Variants in SP3 observed in about 807,000 individuals in gnomAD.
The protein encoded by SP3 is Sp3 transcription factor.
SP3 carries 10 observed loss-of-function variants against 70.3 expected under a neutral mutation model. The ratio of observed to expected loss-of-function variants is 0.14; its 90% CI spans 0.09 to 0.24. The LOEUF (loss-of-function observed/expected upper bound fraction) is 0.24. SP3 is among the 10% of genes least tolerant of loss of function. SP3 has a pLI of 1.00. For synonymous variants in SP3, 402 were observed against 333.5 expected, an observed-to-expected ratio of 1.21 and a Z score of -2.24; for missense variants, 825 against 914.6, an observed-to-expected ratio of 0.90 and a Z score of 1.26.
At chr2:173,926,406 A>G (rs1018513446) in intron 4 of SP3, among the ~76,000 whole-genome samples, 5 of 152,090 alleles carry the variant, frequency 3.3e-5, no homozygotes, top group African/African-American at 4.8e-5. Flanking sequence ...TCCAGGTTCT[A>G]TGTATGTATT....
intron 4 of SP3, among the ~76,000 whole-genome samples, chr2:173,938,808 G>A (rs561201273): frequency 1.3e-5 from 2 of 152,264 alleles, no homozygotes; most frequent in East Asian, 1.9e-4. Context: ...AGTGCTGTGG[G>A]GTTCAATGTT....
chr2:173,942,909 CTA>C (rs963522908), intron 4 of SP3, among the ~76,000 whole-genome samples: 9 of 151,922 alleles, frequency 5.9e-5, no homozygotes, highest in African/African-American at 1.2e-4. Context: ...TACAGTACAA[CTA>C]TATATATAGC....
At chr2:173,936,319 C>T (rs977477253) in intron 4 of SP3, among the ~76,000 whole-genome samples, 2 of 152,090 alleles carry the variant, frequency 1.3e-5, no homozygotes, top group Admixed American at 6.6e-5. Context: ...ATGCCTGGCC[C>T]CGCTCCTACC....
rs1689386550 is a variant in SP3, at chr2:173,908,421, T to G, written c.*1520A>C. 6.6e-6 allele frequency: 1 copy of G among 152,332 alleles called. No individual in the cohort carries two copies. The highest frequency in any genetic ancestry group is 1.5e-5 in the Non-Finnish European group (1 of 67,882). 9.4% of individuals were successfully genotyped at this position (152,332 alleles called of 1,614,324 possible). A position where few individuals can be genotyped will look rare whatever the true frequency, so the allele number is the denominator to read the frequency against. Reference sequence around the variant, plus strand: ...AAATAAATGCCTGTTTACAATTCAGTGTCTAAAATCAAGAATCTAAAAATA... The same window carrying G: ...AAATAAATGCCTGTTTACAATTCAGGGTCTAAAATCAAGAATCTAAAAATA... On this transcript the variant is annotated 3_prime_UTR_variant, in exon 7 of 7. Transcript: ENST00000310015.
chr2:173,953,846 A>T (rs962976877), intron 4 of SP3, among the ~76,000 whole-genome samples: 2 of 152,180 alleles, frequency 1.3e-5, no homozygotes, highest in Non-Finnish European at 2.9e-5. Flanking sequence ...ACCCCTAAAA[A>T]AAAATAATCA....
chr2:173,942,515 A>C lies in SP3; in HGVS notation c.1639+12358T>G, dbSNP rs113185278. On this transcript the variant is annotated intron_variant, in intron 4 of 6. Coordinates refer to ENST00000310015, the MANE Select transcript of SP3 (RefSeq NM_003111.5). ...CAGGAGGTGGAAGTTACAGTCAGCC[A>C]AGATCATGCCACTGCACTCCAGTCT... 4.7e-3 allele frequency among the ~76,000 whole-genome samples: 717 copies of C among 152,284 alleles called. 4 individuals are homozygous for C. The highest frequency in any genetic ancestry group is 0.014 in the Middle Eastern group (4 of 294).
intron 4 of SP3, among the ~76,000 whole-genome samples, chr2:173,939,015 C>G (rs1050046907): frequency 6.6e-6 from 1 of 152,134 alleles, no homozygotes; most frequent in Non-Finnish European, 1.5e-5. Context: ...CCTCAACATC[C>G]TACAATGCAG....
intron 1 of SP3, 43 bp downstream of exon 1, chr2:173,965,122 C>T (rs543781799): frequency 2.6e-6 from 4 of 1,547,022 alleles, no homozygotes; most frequent in Middle Eastern, 2.2e-4. Flanking sequence ...GCGGCAGCGG[C>T]GGCGGCGGCA....
chr2:173,932,857 C>T (rs1202324732), intron 4 of SP3, among the ~76,000 whole-genome samples: 1 of 151,880 alleles, frequency 6.6e-6, no homozygotes, highest in Admixed American at 6.6e-5. Context: ...CCAGGCTTGG[C>T]GGTGGGGTCC....
At chr2:173,962,058 T>A (rs890456660) in intron 3 of SP3, among the ~76,000 whole-genome samples, 1 of 151,936 alleles carries the variant, frequency 6.6e-6, no homozygotes, top group Non-Finnish European at 1.5e-5. Flanking sequence ...CGTCTTCATG[T>A]GGCAGAATAT....
intron 4 of SP3, among the ~76,000 whole-genome samples, chr2:173,927,796 C>G (rs1689959307): frequency 6.6e-6 from 1 of 152,132 alleles, no homozygotes; most frequent in Non-Finnish European, 1.5e-5. Flanking sequence ...ACCTTCAGGG[C>G]ATCAGTTATT....
intron 4 of SP3, among the ~76,000 whole-genome samples, chr2:173,951,659 T>G (rs1056168094): frequency 6.6e-6 from 1 of 152,192 alleles, no homozygotes; most frequent in African/African-American, 2.4e-5. Context: ...AAGAATAACT[T>G]AATATCCTTT....
At chr2:173,913,390 GAAACCA>G (rs1689542203) in intron 5 of SP3, 124 bp from the exon 6 acceptor site, 1 of 688,484 alleles carries the variant, frequency 1.5e-6, no homozygotes, top group South Asian at 5.7e-5. Flanking sequence ...AAGTCAATCA[GAAACCA>G]AAACCATTTA....
At chr2:173,930,168 C>A (rs1690031035) in intron 4 of SP3, among the ~76,000 whole-genome samples, 1 of 152,172 alleles carries the variant, frequency 6.6e-6, no homozygotes, top group South Asian at 2.1e-4. Context: ...TCCTTTCAGA[C>A]ATTTTAACAA....
rs989737568 is a variant in SP3 at position 173,903,031 on chromosome 2, T to TA, written c.*6909dup. 4.6e-5 allele frequency among the ~76,000 whole-genome samples: 7 copies of TA among 152,200 alleles called. No individual in the cohort carries two copies. Among genetic ancestry groups the TA allele is most frequent in the African/African-American group, 9.6e-5 (4 of 41,462 alleles). The stretch of plus-strand genomic sequence containing the variant: ...TCTGTATTCTTGAAATGTTTCATAA[T>TA]AAAAAAGGCACAATACGAATACTAG... On this transcript the variant is annotated 3_prime_UTR_variant, in exon 7 of 7. Transcript: ENST00000310015.
chr2:173,934,689 C>A (rs1346041819), intron 4 of SP3, among the ~76,000 whole-genome samples: 1 of 151,986 alleles, frequency 6.6e-6, no homozygotes, highest in Non-Finnish European at 1.5e-5. Flanking sequence ...ACAGCAAGAC[C>A]CCATCACTAT....
intron 4 of SP3, among the ~76,000 whole-genome samples, chr2:173,953,970 A>G (rs1690799633): frequency 1.3e-5 from 2 of 152,186 alleles, no homozygotes; most frequent in South Asian, 4.1e-4. Context: ...AAAAAAGGTA[A>G]TCTTTAAATG....
Position 173,901,230 on chromosome 2 carries a change from C to G in SP3, c.*8711G>C, listed in dbSNP as rs116138730. On this transcript the variant is annotated 3_prime_UTR_variant, in exon 7 of 7. Coordinates refer to ENST00000310015, the MANE Select transcript of SP3 (RefSeq NM_003111.5). ...AAGGCAAAATCATAAAATTTTTAGA[C>G]AAAAATTTTTATGACAGTAGGTAAA... 0.038 allele frequency among the ~76,000 whole-genome samples: 5,767 copies of G among 150,840 alleles called. 155 individuals are homozygous for G. The highest frequency in any genetic ancestry group is 0.1 in the Admixed American group (1,577 of 15,110).
At position 173,956,041 on chromosome 2, in the gene SP3, T is replaced by C. The variant is rs765896968; in HGVS notation, c.471A>G (p.Gly157=). 2 of 1,614,142 alleles carry C rather than the reference T, an allele frequency of 1.2e-6. No individual in the cohort carries two copies. The highest frequency in any genetic ancestry group is 1.6e-4 in the Middle Eastern group (1 of 6,062). Reference sequence around the variant, plus strand: ...ACACTGTACCATTTGATGAATCTGATCCTGGTGCAACGGAAAATATTTGTT... The same window carrying C: ...ACACTGTACCATTTGATGAATCTGACCCTGGTGCAACGGAAAATATTTGTT... ...QNQQIFSVAP[G]SDSSNGTVSS... Residue 157 remains glycine (G), a synonymous_variant, in exon 4 of 7, where the codon GGA becomes GGG. Transcript: ENST00000310015.
Sources: gnomAD v4.1 joint callset for allele counts (sites outside exome capture counted in the v4.1 genomes callset) on GRCh38, gnomAD v4.1.1 for gene constraint, MANE v1.5 for transcripts, NCBI Gene and HGNC (gene_info 2026-07-23, HGNC 2026-07-21) for gene names.